The following DLG2 variants were observed in gnomAD, a reference collection of about 807,000 sequenced individuals.
DLG2 encodes disks large homolog 2.
A neutral mutation model predicts 132.5 loss-of-function variants in DLG2; 45 were observed. That is an observed-to-expected ratio of 0.34 (90% CI 0.27 to 0.44). DLG2 has a LOEUF of 0.44. Ranked by LOEUF, DLG2 falls within the 20% of genes least tolerant of loss-of-function variation. The probability of loss-of-function intolerance (pLI) is 1.00; values close to 1 mark genes in which losing one functional copy is unlikely to be tolerated. For missense variants in DLG2, 1,045 were observed against 1,196.9 expected (o/e 0.87, Z 1.87); for synonymous variants, 424 against 419.6 (o/e 1.01, Z -0.13).
At chr11:84,883,914 C>G (rs2087787322) in intron 6 of DLG2, among the ~76,000 whole-genome samples, 1 of 151,840 alleles carries the variant, frequency 6.6e-6, no homozygotes, top group Non-Finnish European at 1.5e-5. Flanking sequence ...GTCCTTTTGG[C>G]AGGAAATTGT....
chr11:84,693,256 C>G (rs115010072), intron 6 of DLG2, among the ~76,000 whole-genome samples: 2 of 151,736 alleles, frequency 1.3e-5, no homozygotes, highest in Non-Finnish European at 2.9e-5. Flanking sequence ...GATACAATTT[C>G]CCTTTTAATA....
chr11:83,786,491 T>A, intron 18 of DLG2, 199 bp downstream of exon 18: 1 of 538,062 alleles, frequency 1.9e-6, no homozygotes, highest in South Asian at 2.7e-5. Context: ...CCTTTCTAAC[T>A]GCTTGATATT....
At chr11:83,809,573 T>G (rs1241051413) in intron 17 of DLG2, among the ~76,000 whole-genome samples, 1 of 152,184 alleles carries the variant, frequency 6.6e-6, no homozygotes, top group Admixed American at 6.5e-5. Context: ...ATGTTCTAAA[T>G]TCTATATTTG....
intron 19 of DLG2, among the ~76,000 whole-genome samples, chr11:83,594,396 A>C (rs954716917): frequency 2.6e-5 from 4 of 152,240 alleles, no homozygotes; most frequent in African/African-American, 9.6e-5. Context: ...AATATGTTGC[A>C]TCATTGCCTG....
At chr11:83,660,806 AC>A (rs1266815363) in intron 18 of DLG2, among the ~76,000 whole-genome samples, 1 of 152,078 alleles carries the variant, frequency 6.6e-6, no homozygotes, top group Admixed American at 6.5e-5. Context: ...ATAAAATTGT[AC>A]TATTTGACCT....
chr11:83,822,944 C>G (rs1444957002), intron 17 of DLG2, among the ~76,000 whole-genome samples: 1 of 152,020 alleles, frequency 6.6e-6, no homozygotes, highest in African/African-American at 2.4e-5. Context: ...GTCAAACAGG[C>G]TTTGAGTTAG....
intron 5 of DLG2, among the ~76,000 whole-genome samples, chr11:85,132,489 G>T (rs889441185): frequency 3.2e-4 from 48 of 151,226 alleles, no homozygotes; most frequent in Non-Finnish European, 5.5e-4. Context: ...GCTATAAATA[G>T]ATGCAAAAGC....
intron 7 of DLG2, among the ~76,000 whole-genome samples, chr11:84,301,651 CAAA>C (rs753899806): frequency 3.8e-5 from 1 of 26,606 alleles, no homozygotes; most frequent in African/African-American, 1.5e-4. Flanking sequence ...AGGCGAGACT[CAAA>C]AAAAAAAAAA....
intron 8 of DLG2, among the ~76,000 whole-genome samples, chr11:84,204,224 T>C (rs1192305834): frequency 6.6e-6 from 1 of 152,218 alleles, no homozygotes; most frequent in Non-Finnish European, 1.5e-5. Flanking sequence ...CCCAAAGTGC[T>C]GGGATTACAG....
chr11:83,872,660 T>C (rs1488625373), intron 16 of DLG2, among the ~76,000 whole-genome samples: 1 of 152,188 alleles, frequency 6.6e-6, no homozygotes, highest in East Asian at 1.9e-4. Context: ...TGAAAAATAT[T>C]CTTAGGGCAA....
At chr11:84,426,743 C>G (rs2098967862) in intron 7 of DLG2, among the ~76,000 whole-genome samples, 1 of 152,110 alleles carries the variant, frequency 6.6e-6, no homozygotes, top group Admixed American at 6.6e-5. Flanking sequence ...ATACATTTAT[C>G]AGCTGGAAGA....
At chr11:84,930,590 A>G (rs2047967999) in intron 6 of DLG2, among the ~76,000 whole-genome samples, 1 of 152,004 alleles carries the variant, frequency 6.6e-6, no homozygotes, top group Non-Finnish European at 1.5e-5. Context: ...GCCTTCTACT[A>G]AGAAGAAAAC....
intron 8 of DLG2, among the ~76,000 whole-genome samples, chr11:84,193,827 T>G (rs2096461473): frequency 6.6e-6 from 1 of 152,230 alleles, no homozygotes; most frequent in African/African-American, 2.4e-5. Context: ...TGTACAACTT[T>G]TGGATTTTTT....
intron 6 of DLG2, among the ~76,000 whole-genome samples, chr11:84,877,402 CTCT>C (rs2086529404): frequency 6.6e-6 from 1 of 151,610 alleles, no homozygotes; most frequent in African/African-American, 2.4e-5. Context: ...GGATAATTAG[CTCT>C]TCTTGTTGCA....
intron 7 of DLG2, among the ~76,000 whole-genome samples, chr11:84,396,920 C>A (rs1407716201): frequency 6.6e-6 from 1 of 152,028 alleles, no homozygotes; most frequent in African/African-American, 2.4e-5. Context: ...GGTTTGGGAC[C>A]CAAAGGTCCT....
Position 84,129,965 on chromosome 11 carries a change from AT to A in DLG2, c.625-30919del, listed in dbSNP as rs552519195. Among the ~76,000 whole-genome samples the A allele has an allele frequency of 2.4e-4, 37 of 152,218 alleles. No homozygotes were observed. In the East Asian group the frequency reaches 5.6e-3, roughly 23 times the overall value. The stretch of plus-strand genomic sequence containing the variant: ...ATAAATCCTATATTAAATAGTTAAT[AT>A]TTTCAAGTACTAAAGAAAGTACAAA... On this transcript the variant is annotated intron_variant, in intron 9 of 27. Transcript: ENST00000376104.
At chr11:85,275,633 C>G (rs944699426) in intron 4 of DLG2, among the ~76,000 whole-genome samples, 1 of 151,972 alleles carries the variant, frequency 6.6e-6, no homozygotes, top group African/African-American at 2.4e-5. Context: ...GGAATACTCT[C>G]AATTTTAAAT....
chr11:84,477,833 A>G (rs951906099), intron 7 of DLG2, among the ~76,000 whole-genome samples: 5 of 152,228 alleles, frequency 3.3e-5, no homozygotes, highest in African/African-American at 9.6e-5. Context: ...CAAGTTTCAC[A>G]TTCTGATTCT....
chr11:84,547,424 C>G (rs2099392370), intron 6 of DLG2, among the ~76,000 whole-genome samples: 2 of 152,090 alleles, frequency 1.3e-5, no homozygotes, highest in South Asian at 4.2e-4. Flanking sequence ...GCTTGAAAAC[C>G]TTCTCTTTGC....
Sources: allele counts gnomAD v4.1 joint callset (sites outside exome capture counted in the v4.1 genomes callset), GRCh38; gene constraint gnomAD v4.1.1; transcripts MANE v1.5; gene names NCBI Gene and HGNC (gene_info 2026-07-23, HGNC 2026-07-21).